The following TENM2 variants were observed in gnomAD, a reference collection of about 807,000 sequenced individuals.
TENM2 encodes the protein teneurin transmembrane protein 2.
Under a neutral mutation model 245.2 loss-of-function variants are expected in TENM2, and 52 were observed. The ratio of observed to expected loss-of-function variants is 0.21; its 90% confidence interval spans 0.17 to 0.27. TENM2 has a LOEUF of 0.27. Among genes scored for constraint, TENM2 ranks in the 10% least tolerant of loss-of-function variants. The pLI, the probability that TENM2 is intolerant of heterozygous loss-of-function variation, is 1.00. For synonymous variants in TENM2, 1,363 were observed against 1,438.9 expected (o/e 0.95, Z 1.19); for missense variants, 3,046 against 3,666.8 (o/e 0.83, Z 4.37).
At chr5:168,204,081 G>A (rs1194880937) in intron 18 of TENM2, among the ~76,000 whole-genome samples, 1 of 151,828 alleles carries the variant, frequency 6.6e-6, no homozygotes, top group Admixed American at 6.6e-5. Context: ...TGCCATCATA[G>A]CTCACTGCAA....
the TENM2 span, among the ~76,000 whole-genome samples, chr5:167,195,593 T>A: frequency 2.0e-5 from 3 of 152,054 alleles, no homozygotes; most frequent in African/African-American, 7.2e-5. Context: ...AAATATCGAT[T>A]TTAAAATAAA....
At chr5:167,758,172 A>G (rs1409405015) in intron 2 of TENM2, among the ~76,000 whole-genome samples, 1 of 152,216 alleles carries the variant, frequency 6.6e-6, no homozygotes, top group Non-Finnish European at 1.5e-5. Flanking sequence ...GTTGGAAGGC[A>G]GTCTAAATTG....
intron 2 of TENM2, among the ~76,000 whole-genome samples, chr5:167,388,180 T>C (rs1761554449): frequency 6.6e-6 from 1 of 152,082 alleles, no homozygotes; most frequent in African/African-American, 2.4e-5. Context: ...TAAATACCAT[T>C]TTAATCTCAC....
intron 4 of TENM2, among the ~76,000 whole-genome samples, chr5:167,992,429 T>A (rs1015912609): frequency 1.3e-5 from 2 of 152,254 alleles, no homozygotes; most frequent in African/African-American, 4.8e-5. Context: ...TCCATGTTCC[T>A]GCAAAGGACA....
At chr5:167,094,821 AG>A in the TENM2 span, among the ~76,000 whole-genome samples, 4 of 152,220 alleles carry the variant, frequency 2.6e-5, no homozygotes, top group African/African-American at 9.6e-5. Context: ...CTCAGGGGCA[AG>A]TGAATTTCTC....
chr5:167,852,216 A>G (rs1770644932), intron 2 of TENM2, among the ~76,000 whole-genome samples: 1 of 152,268 alleles, frequency 6.6e-6, no homozygotes, highest in Admixed American at 6.5e-5. Flanking sequence ...AGTAGAACTA[A>G]TAAAAGCACA....
chr5:166,990,019 T>C, the TENM2 span, among the ~76,000 whole-genome samples: 3 of 152,130 alleles, frequency 2.0e-5, no homozygotes, highest in Non-Finnish European at 4.4e-5. Context: ...GATGTTTGCC[T>C]ATGTATAAAT....
chr5:167,874,315 G>A (rs551860033), intron 2 of TENM2, among the ~76,000 whole-genome samples: 31 of 152,232 alleles, frequency 2.0e-4, no homozygotes, highest in African/African-American at 1.7e-4. Context: ...AATGTCTAGC[G>A]AAGTGCAGAT....
intron 24 of TENM2, 81 bp downstream of exon 26, chr5:168,226,344 C>A: frequency 5.1e-6 from 7 of 1,382,028 alleles, no homozygotes; most frequent in Admixed American, 2.0e-5. Context: ...GTGAGTTATG[C>A]AGCCTGGGAG....
At chr5:167,934,262 C>A (rs1778518936) in intron 3 of TENM2, among the ~76,000 whole-genome samples, 2 of 152,250 alleles carry the variant, frequency 1.3e-5, no homozygotes, top group East Asian at 1.9e-4. Flanking sequence ...TTTCCAGCAC[C>A]ATATCACATT....
chr5:168,166,225 G>C (rs115276372), intron 13 of TENM2, among the ~76,000 whole-genome samples: 5,279 of 152,210 alleles, frequency 0.035, 138 homozygotes, highest in Non-Finnish European at 0.053. Context: ...CATGAATGCA[G>C]ACCCGGGGAG....
the TENM2 span, among the ~76,000 whole-genome samples, chr5:167,048,083 CA>C: frequency 2.5e-3 from 377 of 151,822 alleles, 2 homozygotes; most frequent in Middle Eastern, 0.01. Flanking sequence ...AAGAAATTTT[CA>C]AAAAAAATCT....
chr5:167,435,937 G>A (rs540632835), intron 2 of TENM2, among the ~76,000 whole-genome samples: 4 of 147,714 alleles, frequency 2.7e-5, no homozygotes, highest in Non-Finnish European at 4.5e-5. Context: ...AGATGAGTCA[G>A]GATACCTGGT....
the TENM2 span, among the ~76,000 whole-genome samples, chr5:167,052,669 T>G: frequency 6.6e-6 from 1 of 152,200 alleles, no homozygotes. Context: ...TATCAGGCTT[T>G]GAAATAGTCT....
chr5:167,265,238 C>T, the TENM2 span, among the ~76,000 whole-genome samples: 2 of 143,584 alleles, frequency 1.4e-5, no homozygotes, highest in South Asian at 4.4e-4. Flanking sequence ...GAGGCTGAGG[C>T]AGAGAATTGC....
chr5:167,563,727 A>G (rs1026765015), intron 2 of TENM2, among the ~76,000 whole-genome samples: 15 of 152,206 alleles, frequency 9.9e-5, no homozygotes, highest in South Asian at 8.3e-4. Flanking sequence ...TTTATCTTCT[A>G]TACAGTGTTT....
chr5:167,226,264 C>T, the TENM2 span, among the ~76,000 whole-genome samples: 1 of 142,364 alleles, frequency 7.0e-6, no homozygotes, highest in African/African-American at 2.8e-5. Context: ...TTTGCAATAT[C>T]CCTACTTTTT....
chr5:167,754,161 G>A (rs1424964144), intron 2 of TENM2, among the ~76,000 whole-genome samples: 16 of 152,160 alleles, frequency 1.1e-4, no homozygotes, highest in Admixed American at 9.8e-4. Context: ...AGACATGATG[G>A]ATAGTTGTTT....
chr5:167,340,587 C>T (rs1258104642), intron 1 of TENM2, among the ~76,000 whole-genome samples: 1 of 152,188 alleles, frequency 6.6e-6, no homozygotes, highest in African/African-American at 2.4e-5. Flanking sequence ...TCTCATTTAA[C>T]CTTAGTCACC....
Sources: allele counts gnomAD v4.1 joint callset (sites outside exome capture counted in the v4.1 genomes callset), GRCh38; gene constraint gnomAD v4.1.1; transcripts MANE v1.5; gene names NCBI Gene and HGNC (gene_info 2026-07-23, HGNC 2026-07-21).